The following SLC1A2 variants were observed in gnomAD, a reference collection of about 807,000 sequenced individuals.
SLC1A2 encodes solute carrier family 1 member 2.
Under a neutral mutation model 48.8 loss-of-function variants are expected in SLC1A2, and 15 were observed. The ratio of observed to expected loss-of-function variants is 0.31; its 90% CI spans 0.21 to 0.47. The LOEUF is 0.47. Among genes scored for constraint, SLC1A2 ranks in the 20% least tolerant of loss-of-function variants. The pLI, the probability that SLC1A2 is intolerant of heterozygous loss-of-function variation, is 0.99. For synonymous variants in SLC1A2, 279 were observed against 272.6 expected (o/e 1.02, Z -0.23); for missense variants, 502 against 730.5 (o/e 0.69, Z 3.61).
chr11:35,311,664 C>T (rs1409250183), intron 4 of SLC1A2, among the ~76,000 whole-genome samples: 1 of 152,000 alleles, frequency 6.6e-6, no homozygotes, highest in Non-Finnish European at 1.5e-5. Flanking sequence ...ACCCAAGCTC[C>T]AGATTCATCT....
chr11:35,300,054 A>G (rs1851301962), intron 6 of SLC1A2, among the ~76,000 whole-genome samples: 1 of 152,216 alleles, frequency 6.6e-6, no homozygotes, highest in Admixed American at 6.5e-5. Context: ...ATGATTGAAG[A>G]TGACAGAGCT....
chr11:35,339,966 T>G (rs1013330028), intron 1 of SLC1A2, among the ~76,000 whole-genome samples: 6 of 152,206 alleles, frequency 3.9e-5, no homozygotes, highest in African/African-American at 1.4e-4. Flanking sequence ...CAAAAATATA[T>G]TTAACGACAA....
chr11:35,298,170 G>A (rs1393809674), intron 6 of SLC1A2: 1 of 152,134 alleles, frequency 6.6e-6, no homozygotes, highest in Non-Finnish European at 1.5e-5. Flanking sequence ...ATGAGCTAAT[G>A]CATGTAAAAC....
At chr11:35,326,875 C>T (rs771983950) in intron 1 of SLC1A2, among the ~76,000 whole-genome samples, 6 of 152,102 alleles carry the variant, frequency 3.9e-5, no homozygotes, top group African/African-American at 9.7e-5. Flanking sequence ...CAGAAACTCA[C>T]GGAAAAAGCA....
At chr11:35,330,834 A>C (rs1439171829) in intron 1 of SLC1A2, among the ~76,000 whole-genome samples, 2 of 152,236 alleles carry the variant, frequency 1.3e-5, no homozygotes, top group Non-Finnish European at 2.9e-5. Context: ...AGCCTCCAGA[A>C]AAGAATGCAG....
rs145567525 is a variant in SLC1A2 at position 35,414,030 on chromosome 11, C to A, written c.17+4920G>T. Reference sequence around the variant, plus strand: ...AGACCAGGATTGACACAGATCAAGTCTAGCCATCAAATCGAGTTCATTCCC... The same window carrying A: ...AGACCAGGATTGACACAGATCAAGTATAGCCATCAAATCGAGTTCATTCCC... On this transcript the variant is annotated intron_variant, in intron 1 of 10. Coordinates refer to ENST00000278379, the MANE Select transcript of SLC1A2 (RefSeq NM_004171.4). Among the ~76,000 whole-genome samples the A allele has an allele frequency of 1.8e-4, 28 of 152,318 alleles. No individual in the cohort carries two copies. The East Asian group carries it at 5.4e-3, about 29-fold the overall frequency.
chr11:35,294,050 G>A (rs547732474), intron 6 of SLC1A2, among the ~76,000 whole-genome samples: 2 of 152,228 alleles, frequency 1.3e-5, no homozygotes, highest in Admixed American at 6.5e-5. Context: ...TTAATTCTCT[G>A]AGTCCCGACA....
intron 1 of SLC1A2, among the ~76,000 whole-genome samples, chr11:35,368,421 T>C (rs1853934913): frequency 6.6e-6 from 1 of 152,214 alleles, no homozygotes; most frequent in Non-Finnish European, 1.5e-5. Context: ...CCCTACCTCC[T>C]AAAGACTTTC....
chr11:35,405,351 C>G (rs1362774898), intron 1 of SLC1A2, among the ~76,000 whole-genome samples: 1 of 151,700 alleles, frequency 6.6e-6, no homozygotes, highest in Non-Finnish European at 1.5e-5. Context: ...GTTAAAAGAT[C>G]AATTTAACAA....
At chr11:35,375,043 T>C (rs1854181428) in intron 1 of SLC1A2, among the ~76,000 whole-genome samples, 1 of 152,250 alleles carries the variant, frequency 6.6e-6, no homozygotes, top group Admixed American at 6.5e-5. Flanking sequence ...AGCAACATTG[T>C]TTCACTTTTT....
intron 3 of SLC1A2, among the ~76,000 whole-genome samples, chr11:35,314,254 A>G (rs928600491): frequency 3.9e-5 from 6 of 152,222 alleles, no homozygotes; most frequent in African/African-American, 1.4e-4. Flanking sequence ...TATTAGGAGT[A>G]ACTTTGTTCT....
At chr11:35,274,451 A>G (rs1850376772) in intron 9 of SLC1A2, among the ~76,000 whole-genome samples, 2 of 152,232 alleles carry the variant, frequency 1.3e-5, no homozygotes, top group Admixed American at 1.3e-4. Flanking sequence ...TGGGAAATCA[A>G]AGCAAAAGAC....
intron 8 of SLC1A2, among the ~76,000 whole-genome samples, chr11:35,282,867 C>T (rs776838079): frequency 6.6e-5 from 10 of 152,176 alleles, no homozygotes; most frequent in Non-Finnish European, 1.5e-4. Context: ...CCTCACCCTC[C>T]GGTAGGCACT....
intron 1 of SLC1A2, among the ~76,000 whole-genome samples, chr11:35,353,043 C>A (rs1342572861): frequency 1.3e-5 from 2 of 151,300 alleles, no homozygotes; most frequent in East Asian, 1.9e-4. Flanking sequence ...CTAAGATAGG[C>A]TTTTTTTTTA....
At position 35,320,612 on chromosome 11, in the gene SLC1A2, T is replaced by G. The variant is rs118121196; in HGVS notation, c.18-3096A>C. On this transcript the variant is annotated intron_variant, in intron 1 of 10. Coordinates refer to ENST00000278379, the MANE Select transcript of SLC1A2 (RefSeq NM_004171.4). ...GTGATCTTTAACACCTAGTCCTGAG[T>G]GCTTAATCAATGTTTGCCAAGAGAA... is the stretch of plus-strand genomic sequence containing the variant. 3.5e-3 allele frequency among the ~76,000 whole-genome samples: 526 copies of G among 152,348 alleles called. 4 individuals are homozygous for G. The highest frequency in any genetic ancestry group is 7.8e-3 in the Admixed American group (120 of 15,302).
At chr11:35,310,564 T>C (rs1460096052) in intron 4 of SLC1A2, among the ~76,000 whole-genome samples, 1 of 152,178 alleles carries the variant, frequency 6.6e-6, no homozygotes. Flanking sequence ...GGCTCAGCAA[T>C]GGTTAAGGAC....
intron 5 of SLC1A2, 55 bp from the exon 6 acceptor site, chr11:35,301,700 C>A: frequency 6.4e-7 from 1 of 1,553,638 alleles, no homozygotes; most frequent in South Asian, 1.1e-5. Flanking sequence ...TGTACTTTTT[C>A]TCCCTCATTC....
At chr11:35,271,800 G>T (rs529671585) in intron 9 of SLC1A2, among the ~76,000 whole-genome samples, 1 of 152,146 alleles carries the variant, frequency 6.6e-6, no homozygotes, top group Non-Finnish European at 1.5e-5. Context: ...CCATGATAGC[G>T]CCACTGCACT....
rs1367276895 is a variant in SLC1A2, at chr11:35,254,560, A to G, written c.*6334T>C. ...GGCAACAGGCTGTTTCCAGGCAGGC[A>G]AAATGGTTGCCATGAGAAGAAACAG... On this transcript the variant is annotated 3_prime_UTR_variant, in exon 11 of 11. Coordinates refer to ENST00000278379, the MANE Select transcript of SLC1A2 (RefSeq NM_004171.4). The G allele has an allele frequency of 6.8e-6, 2 of 296,074 alleles. No homozygotes were observed. The highest frequency in any genetic ancestry group is 1.3e-5 in the Non-Finnish European group (2 of 151,722). 18.3% of individuals were successfully genotyped at this position (296,074 alleles called of 1,614,324 possible).
Sources: gnomAD v4.1 joint callset for allele counts (sites outside exome capture counted in the v4.1 genomes callset) on GRCh38, gnomAD v4.1.1 for gene constraint, MANE v1.5 for transcripts, NCBI Gene and HGNC (gene_info 2026-07-23, HGNC 2026-07-21) for gene names.